Variants in WNT16 observed in about 807,000 individuals in gnomAD.
The protein encoded by WNT16 is protein Wnt-16.
Under a neutral mutation model 35.4 loss-of-function variants are expected in WNT16, and 20 were observed. The ratio of observed to expected loss-of-function variants is 0.56; its 90% CI spans 0.40 to 0.82. The LOEUF is 0.82. Ranked by LOEUF, WNT16 falls within the 40% of genes least tolerant of loss-of-function variation. WNT16 has a pLI of 0.00. For synonymous variants in WNT16, 180 were observed against 179.2 expected (o/e 1.00, Z -0.03); for missense variants, 461 against 466.0 (o/e 0.99, Z 0.10).
At chr7:121,328,980 G>A, upstream of WNT16, 11 of 1,102,572 alleles carry the variant, frequency 1.0e-5, no homozygotes, top group Non-Finnish European at 1.1e-5. Flanking sequence ...GGCCGGGGGC[G>A]ATGGAGACGC....
intron 3 of WNT16, 124 bp from the exon 4 acceptor site, chr7:121,338,757 A>C: frequency 1.2e-6 from 1 of 860,174 alleles, no homozygotes; most frequent in South Asian, 1.9e-5. Context: ...TTTACGTTCA[A>C]AACCATCATT....
chr7:121,338,774 C>A, intron 3 of WNT16, 107 bp from the exon 4 acceptor site: 1 of 930,924 alleles, frequency 1.1e-6, no homozygotes, highest in Non-Finnish European at 1.6e-6. Context: ...CATTTTTATT[C>A]AAGAGGAAAT....
At position 121,329,050 on chromosome 7, in the gene WNT16, A is replaced by C. The variant is rs573556658; in HGVS notation, c.-243A>C. 91 of 1,249,448 alleles carry C rather than the reference A, an allele frequency of 7.3e-5. No homozygotes were observed. In the African/African-American group the frequency reaches 1.2e-3, roughly 17 times the overall value. 77.4% of individuals were successfully genotyped at this position (1,249,448 alleles called of 1,614,324 possible). A position where few individuals can be genotyped will look rare whatever the true frequency, so the allele number is the denominator to read the frequency against. ...CGAGGGGCGCTCCCGCATCTCCTGC[A>C]CATCTCCACCCCTGCGCAGGAGGAG... On this transcript the variant is annotated 5_prime_UTR_variant, in exon 1 of 4. Coordinates refer to ENST00000222462, the MANE Select transcript of WNT16 (RefSeq NM_057168.2).
At chr7:121,326,296 T>G (rs1793243398), upstream of WNT16, among the ~76,000 whole-genome samples, 1 of 152,180 alleles carries the variant, frequency 6.6e-6, no homozygotes, top group African/African-American at 2.4e-5. Flanking sequence ...CATTCAAATA[T>G]CTGTTCACTG....
chr7:121,332,459 A>G (rs942082630), intron 3 of WNT16, among the ~76,000 whole-genome samples: 1 of 152,176 alleles, frequency 6.6e-6, no homozygotes, highest in Non-Finnish European at 1.5e-5. Flanking sequence ...CATTGGTTCT[A>G]CCCGCTTAGT....
At chr7:121,328,989 G>T (rs551378269), upstream of WNT16, 1,650 of 1,139,776 alleles carry the variant, frequency 1.4e-3, no homozygotes, top group Non-Finnish European at 1.7e-3. Context: ...CGATGGAGAC[G>T]CGGATACATC....
intron 3 of WNT16, among the ~76,000 whole-genome samples, chr7:121,335,044 G>A (rs943795123): frequency 2.8e-4 from 43 of 151,976 alleles, no homozygotes; most frequent in African/African-American, 1.0e-3. Flanking sequence ...TATATTTTTG[G>A]ACAGAAAGGG....
chr7:121,339,035 CAA>C lies in WNT16; in HGVS notation c.790_791del (p.Lys264GlufsTer17). On this transcript the variant is annotated frameshift_variant, in exon 4 of 4. Transcript: ENST00000222462. LOFTEE classifies it high-confidence loss of function. ...AACAGTATCCAGATATCAGACAAAA[CAA>C]AGAGGAAAATGCGCAGGAGAGAAAA... 1 of 1,613,806 alleles carries C rather than the reference CAA, an allele frequency of 6.2e-7. No individual in the cohort carries two copies. The highest frequency in any genetic ancestry group is 8.5e-7 in the Non-Finnish European group (1 of 1,179,878).
At chr7:121,337,886 GA>G (rs1245326741) in intron 3 of WNT16, among the ~76,000 whole-genome samples, 1 of 152,094 alleles carries the variant, frequency 6.6e-6, no homozygotes, top group African/African-American at 2.4e-5. Context: ...ACTTAGAATT[GA>G]AAAAATTACA....
intron 2 of WNT16, among the ~76,000 whole-genome samples, chr7:121,330,447 C>A (rs1793324244): frequency 1.3e-5 from 2 of 152,210 alleles, no homozygotes; most frequent in Non-Finnish European, 2.9e-5. Flanking sequence ...TGCAGGAAAA[C>A]AAAGTTCCAC....
chr7:121,339,091 G>A lies in WNT16; in HGVS notation c.844G>A (p.Asp282Asn), dbSNP rs746959182. Residue 282 changes from aspartate (D) to asparagine (N), a missense_variant, in exon 4 of 4, where the codon GAT becomes AAT. Asp to Asn is a conservative substitution (Grantham distance 23). Coordinates refer to ENST00000222462, the MANE Select transcript of WNT16 (RefSeq NM_057168.2). ...KDQRKIPIHKDDLLYVNKSPN... is the reference protein window; with the variant it reads ...KDQRKIPIHKNDLLYVNKSPN... ...TCAGAGGAAAATACCAATCCATAAG[G>A]ATGATCTGCTCTATGTTAATAAGTC... 6.2e-7 allele frequency: 1 copy of A among 1,614,148 alleles called. No individual in the cohort carries two copies. The highest frequency in any genetic ancestry group is 8.5e-7 in the Non-Finnish European group (1 of 1,180,016).
Position 121,329,255 on chromosome 7 carries a change from A to C in WNT16, c.-38A>C, listed in dbSNP as rs1277013286. On this transcript the variant is annotated 5_prime_UTR_variant, in exon 1 of 4. Transcript: ENST00000222462. ...AGGGCCTCTGGGGAGGGGGTGCAAA[A>C]GAGGAGCGGCTGGGCTGGGGGACTC... 1 of 1,508,632 alleles carries C rather than the reference A, an allele frequency of 6.6e-7. No homozygotes were observed. Among genetic ancestry groups the C allele is most frequent in the African/African-American group, 1.4e-5 (1 of 72,012 alleles). The allele number at this position is 1,508,632 out of a possible 1,614,324, so 93.5% of individuals were successfully genotyped here.
Position 121,329,307 on chromosome 7 carries a change from G to T in WNT16, c.15G>T (p.Ala5=), listed in dbSNP as rs901680000. Residue 5 remains alanine, a synonymous_variant, in exon 1 of 4, where the codon GCG becomes GCT. Coordinates refer to ENST00000222462, the MANE Select transcript of WNT16 (RefSeq NM_057168.2). ...ATGCGGGGGCGATGGACAGGGCGGC[G>T]CTCCTGGGACTGGCCCGCTTGTGCG... The part of the protein sequence containing the change: MDRA[A]LLGLARLCAL... The T allele has an allele frequency of 1.3e-6, 2 of 1,580,386 alleles. No homozygotes were observed. The highest frequency in any genetic ancestry group is 2.3e-5 in the East Asian group (1 of 43,674).
chr7:121,336,168 A>AT (rs1395430394), intron 3 of WNT16, among the ~76,000 whole-genome samples: 1 of 151,662 alleles, frequency 6.6e-6, no homozygotes, highest in East Asian at 1.9e-4. Context: ...GGTTATTGAT[A>AT]TTTTTTTCCT....
chr7:121,328,884 C>A, upstream of WNT16: 1 of 326,096 alleles, frequency 3.1e-6, no homozygotes, highest in Non-Finnish European at 4.5e-6. Flanking sequence ...CCAATAAGAG[C>A]CTGAGGTCCC....
chr7:121,335,926 G>A (rs1315977605), intron 3 of WNT16, among the ~76,000 whole-genome samples: 1 of 150,518 alleles, frequency 6.6e-6, no homozygotes, highest in Admixed American at 6.7e-5. Flanking sequence ...ACTAAATCAG[G>A]TAAAATATTT....
chr7:121,339,653 C>G lies in WNT16; in HGVS notation c.*308C>G. The G allele has an allele frequency of 2.2e-6, 1 of 452,058 alleles. No homozygotes were observed. The highest frequency in any genetic ancestry group is 3.9e-6 in the Non-Finnish European group (1 of 256,608). 28.0% of individuals were successfully genotyped at this position (452,058 alleles called of 1,614,324 possible). On this transcript the variant is annotated 3_prime_UTR_variant, in exon 4 of 4. Coordinates refer to ENST00000222462, the MANE Select transcript of WNT16 (RefSeq NM_057168.2). ...CTAAGCAAGAAATAACAGGAAAGATCCCTTATGCCAGGAGGCCTGCCATAC... is the reference window on the plus strand; with the variant it reads ...CTAAGCAAGAAATAACAGGAAAGATGCCTTATGCCAGGAGGCCTGCCATAC...
chr7:121,338,178 C>T (rs373351254), intron 3 of WNT16, among the ~76,000 whole-genome samples: 3 of 152,134 alleles, frequency 2.0e-5, no homozygotes, highest in Non-Finnish European at 2.9e-5. Context: ...TGAATCAATA[C>T]GTCTCATCCC....
At chr7:121,329,537 C>CTG in intron 1 of WNT16, 30 bp from the exon 2 acceptor site, 1 of 1,611,194 alleles carries the variant, frequency 6.2e-7, no homozygotes, top group Admixed American at 1.7e-5. Flanking sequence ...TGGGGAGCGG[C>CTG]TTAACGCTAC....
Sources: allele counts gnomAD v4.1 joint callset (sites outside exome capture counted in the v4.1 genomes callset), GRCh38; gene constraint gnomAD v4.1.1; transcripts MANE v1.5; gene names NCBI Gene and HGNC (gene_info 2026-07-23, HGNC 2026-07-21).